Variants in DIAPH2 observed in about 807,000 individuals in gnomAD.
DIAPH2 encodes the protein diaphanous related formin 2, also known as protein diaphanous homolog 2.
DIAPH2 carries 35 observed loss-of-function variants against 92.7 expected under a neutral mutation model. The observed-to-expected ratio is 0.38, with a 90% confidence interval of 0.29 to 0.50. The LOEUF is 0.50. DIAPH2 is among the 20% of genes least tolerant of loss of function. The probability of loss-of-function intolerance (pLI) is 0.94; values close to 1 mark genes in which losing one functional copy is unlikely to be tolerated. For missense variants in DIAPH2, 701 were observed against 819.5 expected, an observed-to-expected ratio of 0.86 and a Z score of 1.77; for synonymous variants, 301 against 280.4, an observed-to-expected ratio of 1.07 and a Z score of -0.73.
At chrX:97,157,025 T>A (rs924847533) in intron 22 of DIAPH2, among the ~76,000 whole-genome samples, 2 of 111,403 alleles carry the variant, frequency 1.8e-5, no homozygotes, top group Non-Finnish European at 3.8e-5. Context: ...AAATTAATAA[T>A]GTTTACTGGC....
chrX:96,703,893 A>G (rs1242645914), intron 1 of DIAPH2, among the ~76,000 whole-genome samples: 1 of 111,571 alleles, frequency 9.0e-6, no homozygotes, highest in Non-Finnish European at 1.9e-5. Flanking sequence ...TCACTTAAAT[A>G]AGTGGAATTT....
intron 22 of DIAPH2, among the ~76,000 whole-genome samples, chrX:97,187,418 G>A (rs1396872300): frequency 9.5e-6 from 1 of 104,942 alleles, no homozygotes; most frequent in Admixed American, 1.1e-4. Flanking sequence ...TGAGACAACA[G>A]GAGTACACCA....
chrX:97,411,489 A>G (rs1191213689), intron 25 of DIAPH2, among the ~76,000 whole-genome samples: 2 of 112,059 alleles, frequency 1.8e-5, no homozygotes, highest in Non-Finnish European at 3.8e-5. Flanking sequence ...AAGAAACTGC[A>G]TCAACTAACA....
At chrX:97,537,080 G>A (rs1012537479) in intron 26 of DIAPH2, among the ~76,000 whole-genome samples, 3 of 111,612 alleles carry the variant, frequency 2.7e-5, no homozygotes, top group African/African-American at 9.8e-5. Flanking sequence ...AATTTTACTA[G>A]GGACATCTCA....
At chrX:97,574,324 C>T (rs1178337593) in intron 26 of DIAPH2, among the ~76,000 whole-genome samples, 1 of 112,021 alleles carries the variant, frequency 8.9e-6, no homozygotes, top group Non-Finnish European at 1.9e-5. Flanking sequence ...GCTGAATTCA[C>T]TTACCTAAAG....
chrX:96,749,204 T>TA (rs1460914699), intron 3 of DIAPH2, among the ~76,000 whole-genome samples: 1 of 105,810 alleles, frequency 9.5e-6, no homozygotes. Flanking sequence ...TTAAACATTA[T>TA]ATACATGCAT....
Position 97,009,323 on chromosome X carries a change from T to A in DIAPH2, c.2050+44116T>A, listed in dbSNP as rs183205101. 4.5e-5 allele frequency among the ~76,000 whole-genome samples: 5 copies of A among 111,761 alleles called. No homozygotes were observed. The East Asian group carries it at 1.4e-3, about 32-fold the overall frequency. ...GCCTGGGACTCACCCTTCAGGTGAA[T>A]GTGCTCCCCTCTGGCACAGGGCAGG... On this transcript the variant is annotated intron_variant, in intron 17 of 26. Transcript: ENST00000324765.
At chrX:96,771,934 A>T (rs1004426648) in intron 4 of DIAPH2, among the ~76,000 whole-genome samples, 2 of 110,136 alleles carry the variant, frequency 1.8e-5, no homozygotes, top group Non-Finnish European at 3.8e-5. Context: ...TCTCCTAGGG[A>T]GGTTGAGGTA....
At chrX:97,388,427 C>T (rs747969886) in intron 25 of DIAPH2, among the ~76,000 whole-genome samples, 240 of 111,995 alleles carry the variant, frequency 2.1e-3, no homozygotes, top group African/African-American at 7.5e-3. Flanking sequence ...TCATAGCTCA[C>T]TGCAGCCTCA....
intron 1 of DIAPH2, among the ~76,000 whole-genome samples, chrX:96,698,510 A>T (rs2063837041): frequency 9.0e-6 from 1 of 110,911 alleles, no homozygotes; most frequent in South Asian, 3.8e-4. Flanking sequence ...ACTTGTGACG[A>T]GTAATAGACC....
chrX:97,153,145 G>A (rs775786163), intron 22 of DIAPH2, among the ~76,000 whole-genome samples: 2 of 111,549 alleles, frequency 1.8e-5, no homozygotes, highest in Non-Finnish European at 3.8e-5. Context: ...CCCTCAAGGT[G>A]GTTATGCAAG....
chrX:97,346,030 A>C (rs1042005650), intron 23 of DIAPH2, among the ~76,000 whole-genome samples: 1 of 111,931 alleles, frequency 8.9e-6, no homozygotes, highest in Non-Finnish European at 1.9e-5. Context: ...ACACATTTAT[A>C]TATTTGGTTC....
intron 22 of DIAPH2, among the ~76,000 whole-genome samples, chrX:97,179,533 C>G (rs896649666): frequency 9.0e-6 from 1 of 111,351 alleles, no homozygotes; most frequent in African/African-American, 3.3e-5. Context: ...CTGCAAAGGA[C>G]ATGACCTCAT....
intron 26 of DIAPH2, among the ~76,000 whole-genome samples, chrX:97,547,704 A>G (rs2071191887): frequency 8.9e-6 from 1 of 111,767 alleles, no homozygotes; most frequent in Non-Finnish European, 1.9e-5. Flanking sequence ...CGTGACGAAC[A>G]CTTTTTTGTA....
intron 26 of DIAPH2, among the ~76,000 whole-genome samples, chrX:97,486,281 C>T (rs932879316): frequency 9.0e-6 from 1 of 111,615 alleles, no homozygotes; most frequent in Admixed American, 9.5e-5. Context: ...ATGGAACTTC[C>T]AGCACACCTA....
chrX:97,045,678 C>A (rs763180324), intron 17 of DIAPH2, among the ~76,000 whole-genome samples: 1 of 109,792 alleles, frequency 9.1e-6, no homozygotes, highest in African/African-American at 3.4e-5. Flanking sequence ...TCAAATGAAT[C>A]AAATGCTACT....
rs2067574484 is a variant in DIAPH2 at position 97,185,329 on chromosome X, A to ATATATATATATACATATATATG, written c.2719+43546_2719+43547insACATATATATGTATATATATAT. ...AAAATATATATATATATATATGTGT[A>ATATATATATATACATATATATG]TATATATATATGTATATATATATGT... is the stretch of plus-strand genomic sequence containing the variant. On this transcript the variant is annotated intron_variant, in intron 22 of 26. Transcript: ENST00000324765. Among the ~76,000 whole-genome samples, 2 of 9,406 alleles carry ATATATATATATACATATATATG rather than the reference A, an allele frequency of 2.1e-4. 1 individual carries two copies. Among genetic ancestry groups the ATATATATATATACATATATATG allele is most frequent in the African/African-American group, 6.5e-4 (2 of 3,076 alleles). The allele number at this position is 9,406 out of a possible 115,157, so 8.2% of individuals were successfully genotyped here.
At position 96,797,263 on chromosome X, in the gene DIAPH2, C is replaced by T. The variant is rs183525953; in HGVS notation, c.447+39005C>T. ...TGGGAGGCCGAGGCAGGTGGATCAC[C>T]GGGGGTCAGGAATTCGAGAGTAGCC... is the stretch of plus-strand genomic sequence containing the variant. On this transcript the variant is annotated intron_variant, in intron 4 of 26. Transcript: ENST00000324765. Among the ~76,000 whole-genome samples the T allele has an allele frequency of 7.2e-5, 8 of 110,506 alleles. No individual in the cohort carries two copies. In the East Asian group the frequency reaches 1.4e-3, roughly 20 times the overall value.
At chrX:96,944,124 G>A (rs2065723479) in intron 13 of DIAPH2, among the ~76,000 whole-genome samples, 1 of 111,766 alleles carries the variant, frequency 8.9e-6, no homozygotes. Flanking sequence ...AGATGACTTG[G>A]ACCTGAAGAG....
Sources: allele counts gnomAD v4.1 joint callset (sites outside exome capture counted in the v4.1 genomes callset), GRCh38; gene constraint gnomAD v4.1.1; transcripts MANE v1.5; gene names NCBI Gene and HGNC (gene_info 2026-07-23, HGNC 2026-07-21).